The following ZNF205 variants were observed in gnomAD, a reference collection of about 807,000 sequenced individuals.
The protein encoded by ZNF205 is transcriptional repressor RHIT.
A neutral mutation model predicts 53.6 loss-of-function variants in ZNF205; 32 were observed. That is an observed-to-expected ratio of 0.60 (90% CI 0.45 to 0.80). The LOEUF (loss-of-function observed/expected upper bound fraction) is 0.80, where lower values mean the gene tolerates loss of function less well. ZNF205 is among the 30% of genes least tolerant of loss of function. ZNF205 has a pLI of 0.00. For synonymous variants in ZNF205, 382 were observed against 334.3 expected, an observed-to-expected ratio of 1.14 and a Z score of -1.56; for missense variants, 836 against 782.4, an observed-to-expected ratio of 1.07 and a Z score of -0.82.
rs1453478022 is a variant in ZNF205 at position 3,112,634 on chromosome 16, G to C, written c.-63G>C. The C allele has an allele frequency of 3.3e-6, 1 of 305,102 alleles. No homozygotes were observed. Among genetic ancestry groups the C allele is most frequent in the Non-Finnish European group, 6.6e-6 (1 of 150,806 alleles). The allele number at this position is 305,102 out of a possible 1,614,324, so 18.9% of individuals were successfully genotyped here. ...TGCAGGCTGTGGAGACTCCCTTCCC[G>C]GGGGAGGGGGCCCCCACTGCCGCAG... On this transcript the variant is annotated 5_prime_UTR_variant, in exon 1 of 7. Transcript: ENST00000219091.
rs1417479318 is a variant in ZNF205 at position 3,120,139 on chromosome 16, G to A, written c.1479G>A (p.Ala493=). 3 of 1,612,848 alleles carry A rather than the reference G, an allele frequency of 1.9e-6. No homozygotes were observed. Among genetic ancestry groups the A allele is most frequent in the East Asian group, 2.2e-5 (1 of 44,864 alleles). ...TCAGCCACAGCTCGCACCTCACCGCGCACCAGCGCACCCACCGTGGCGTGC... is the reference window on the plus strand; with the variant it reads ...TCAGCCACAGCTCGCACCTCACCGCACACCAGCGCACCCACCGTGGCGTGC... ...KSFSHSSHLT[A]HQRTHRGVRP... is the part of the protein sequence containing the mutation. Residue 493 remains alanine, a synonymous_variant, in exon 7 of 7, where the codon GCG becomes GCA. Coordinates refer to ENST00000219091, the MANE Select transcript of ZNF205 (RefSeq NM_001042428.2).
chr16:3,112,670 T>A lies in ZNF205; in HGVS notation c.-27T>A. 3.3e-6 allele frequency: 1 copy of A among 306,722 alleles called. No individual in the cohort carries two copies. Among genetic ancestry groups the A allele is most frequent in the Non-Finnish European group, 6.6e-6 (1 of 152,522 alleles). The allele number at this position is 306,722 out of a possible 1,614,324, so 19.0% of individuals were successfully genotyped here. ...CCCCCACTGCCGCAGGTGCCCCCTC[T>A]GCCTCCACCCCGGTGAGAAGGGGGT... On this transcript the variant is annotated 5_prime_UTR_variant, in exon 1 of 7. Coordinates refer to ENST00000219091, the MANE Select transcript of ZNF205 (RefSeq NM_001042428.2).
At position 3,120,119 on chromosome 16, in the gene ZNF205, C is replaced by T; in HGVS notation, c.1459C>T (p.His487Tyr). 6.2e-7 allele frequency: 1 copy of T among 1,613,656 alleles called. No homozygotes were observed. Among genetic ancestry groups the T allele is most frequent in the Non-Finnish European group, 8.5e-7 (1 of 1,179,794 alleles). The part of the protein sequence containing the change: ...HCLDCGKSFS[H>Y]SSHLTAHQRT... ...CCTCGACTGCGGCAAGAGCTTCAGC[C>T]ACAGCTCGCACCTCACCGCGCACCA... The change falls in exon 7 of 7, where the codon CAC (histidine) becomes TAC (tyrosine). Residue 487 changes from histidine to tyrosine, a missense_variant. By Grantham distance (83) the His-to-Tyr change is moderately conservative. Transcript: ENST00000219091.
chr16:3,117,267 G>A (rs1457372547), intron 5 of ZNF205, among the ~76,000 whole-genome samples: 1 of 152,144 alleles, frequency 6.6e-6, no homozygotes, highest in African/African-American at 2.4e-5. Context: ...TGTCTGAGCA[G>A]CAAGCTTGGC....
intron 1 of ZNF205, 163 bp from the exon 2 acceptor site, chr16:3,113,254 C>T (rs533171359): frequency 4.8e-6 from 3 of 624,300 alleles, no homozygotes; most frequent in Non-Finnish European, 8.6e-6. Context: ...ACTTTCTTTC[C>T]GATTGGGACC....
chr16:3,116,134 T>C, intron 4 of ZNF205: 1 of 674,914 alleles, frequency 1.5e-6, no homozygotes, highest in Non-Finnish European at 2.5e-6. Context: ...ACACAGGGCC[T>C]CTCGCTGGTA....
chr16:3,116,598 C>T (rs1398883085), intron 5 of ZNF205, 51 bp downstream of exon 5: 10 of 1,583,482 alleles, frequency 6.3e-6, no homozygotes, highest in African/African-American at 2.7e-5. Context: ...AGGTCCTGCT[C>T]TGCCGTCTCC....
In ZNF205 at chr16:3,120,149, A is replaced by T. The variant is rs779583002; in HGVS notation, c.1489A>T (p.Thr497Ser). The T allele has an allele frequency of 2.5e-6, 4 of 1,613,138 alleles. No homozygotes were observed. The highest frequency in any genetic ancestry group is 2.5e-6 in the Non-Finnish European group (3 of 1,179,630). The change falls in exon 7 of 7, where the codon ACC (threonine) becomes TCC (serine). Residue 497 changes from threonine (T) to serine (S), a missense_variant. Transcript: ENST00000219091. ...CTCGCACCTCACCGCGCACCAGCGC[A>T]CCCACCGTGGCGTGCGGCCCTACGC... ...HSSHLTAHQR[T>S]HRGVRPYACP...
chr16:3,119,112 C>A, intron 6 of ZNF205, 97 bp downstream of exon 6: 1 of 1,517,276 alleles, frequency 6.6e-7, no homozygotes, highest in Non-Finnish European at 8.9e-7. Context: ...CACCAGACCC[C>A]CTCCTGGGCG....
At chr16:3,113,655 A>G (rs1010541367) in intron 2 of ZNF205, among the ~76,000 whole-genome samples, 168 bp downstream of exon 2, 2 of 152,144 alleles carry the variant, frequency 1.3e-5, no homozygotes, top group East Asian at 3.9e-4. Context: ...TTTACAGCAT[A>G]ACAGTTTTGC....
intron 2 of ZNF205, among the ~76,000 whole-genome samples, chr16:3,114,259 C>A (rs1431048931): frequency 6.6e-6 from 1 of 152,046 alleles, no homozygotes; most frequent in Non-Finnish European, 1.5e-5. Context: ...GTGCGCACGG[C>A]GGGGGGGATT....
At chr16:3,113,888 C>T (rs902170001) in intron 2 of ZNF205, among the ~76,000 whole-genome samples, 1 of 151,834 alleles carries the variant, frequency 6.6e-6, no homozygotes, top group Non-Finnish European at 1.5e-5. Flanking sequence ...TGTGTGCGTG[C>T]GTGGTTGAGT....
chr16:3,116,257 C>G (rs916692749), intron 4 of ZNF205, 170 bp from the exon 5 acceptor site: 1 of 906,902 alleles, frequency 1.1e-6, no homozygotes, highest in African/African-American at 1.7e-5. Flanking sequence ...TTTCTCAACT[C>G]CCCAGAAGGC....
At chr16:3,116,298 T>C (rs1957344618) in intron 4 of ZNF205, 129 bp from the exon 5 acceptor site, 3 of 1,396,668 alleles carry the variant, frequency 2.1e-6, no homozygotes, top group Admixed American at 2.0e-5. Context: ...CCCGATCAGA[T>C]GGAAGTGGCA....
At chr16:3,117,775 A>G (rs1957363817) in intron 5 of ZNF205, among the ~76,000 whole-genome samples, 1 of 151,418 alleles carries the variant, frequency 6.6e-6, no homozygotes, top group South Asian at 2.1e-4. Context: ...TTGACTCCTC[A>G]ATTCCAGACT....
chr16:3,113,264 C>G (rs1275590515), intron 1 of ZNF205, 153 bp from the exon 2 acceptor site: 23 of 652,502 alleles, frequency 3.5e-5, no homozygotes, highest in Non-Finnish European at 6.3e-5. Context: ...CGATTGGGAC[C>G]AGGGAGCGCT....
chr16:3,116,461 T>C lies in ZNF205; in HGVS notation c.398T>C (p.Leu133Pro). 6.2e-7 allele frequency: 1 copy of C among 1,613,946 alleles called. No individual in the cohort carries two copies. The highest frequency in any genetic ancestry group is 8.5e-7 in the Non-Finnish European group (1 of 1,179,978). ...PVTFEDVALY[L>P]SREEWGRLDH... ...ACTTTCGAGGATGTGGCCTTGTACC[T>C]CTCCCGGGAGGAGTGGGGACGGCTG... Residue 133 changes from leucine to proline, a missense_variant, in exon 5 of 7, where the codon CTC becomes CCC. Transcript: ENST00000219091.
rs748387094 is a variant in ZNF205, at chr16:3,115,450, G to A, written c.153G>A (p.Met51Ile). ...GDTQESLHIK[M>I]EPEEPHSEGA... ...CTCAGGAGTCACTGCACATTAAGAT[G>A]GAGCCCGAAGAGCCACACTCCGAGG... Residue 51 changes from methionine to isoleucine, a missense_variant, in exon 3 of 7, where the codon ATG becomes ATA. Physicochemically the swap from Met to Ile is conservative, Grantham distance 10 (BLOSUM62 1). Coordinates refer to ENST00000219091, the MANE Select transcript of ZNF205 (RefSeq NM_001042428.2). 6.2e-7 allele frequency: 1 copy of A among 1,612,346 alleles called. No individual in the cohort carries two copies. The highest frequency in any genetic ancestry group is 8.5e-7 in the Non-Finnish European group (1 of 1,179,168).
intron 1 of ZNF205, 74 bp from the exon 2 acceptor site, chr16:3,113,343 T>G: frequency 6.6e-7 from 1 of 1,508,696 alleles, no homozygotes; most frequent in Non-Finnish European, 9.1e-7. Flanking sequence ...CTGTCTGCTC[T>G]TCTAGGCTCC....
Sources: allele counts gnomAD v4.1 joint callset (sites outside exome capture counted in the v4.1 genomes callset), GRCh38; gene constraint gnomAD v4.1.1; transcripts MANE v1.5; gene names NCBI Gene and HGNC (gene_info 2026-07-23, HGNC 2026-07-21).